SHE: variants seen among roughly 807,000 people sequenced by gnomAD.
SHE encodes SH2 domain-containing adapter protein E.
In SHE, 11 loss-of-function variants were observed where a neutral mutation model predicts 49.8. The observed-to-expected ratio is 0.22, with a 90% CI of 0.14 to 0.37. The LOEUF (loss-of-function observed/expected upper bound fraction) is 0.37. Ranked by LOEUF, SHE falls within the 10% of genes least tolerant of loss-of-function variation. The pLI is 1.00. For missense variants in SHE, 624 were observed against 655.5 expected (o/e 0.95, Z 0.52); for synonymous variants, 310 against 278.1 (o/e 1.11, Z -1.14).
Position 154,489,252 on chromosome 1 carries a change from T to TGGCCAA in SHE, c.817_822dup (p.Leu273_Ala274dup). 6.2e-7 allele frequency: 1 copy of TGGCCAA among 1,614,214 alleles called. No homozygotes were observed. The highest frequency in any genetic ancestry group is 8.5e-7 in the Non-Finnish European group (1 of 1,180,036). ...AGGAGGTCCTTGGAACTCCGTCTTT[T>TGGCCAA]GGCCAAGGTCTCTGATTTCAGGCCA... On this transcript the variant is annotated inframe_insertion, in exon 3 of 6. Coordinates refer to ENST00000304760, the MANE Select transcript of SHE (RefSeq NM_001010846.3).
chr1:154,478,605 G>A (rs1691943140), downstream of SHE, among the ~76,000 whole-genome samples: 1 of 152,102 alleles, frequency 6.6e-6, no homozygotes, highest in Admixed American at 6.6e-5. Context: ...GATGCTGTAT[G>A]ATGAAAAGCA....
At chr1:154,490,148 T>C (rs1452387286) in intron 2 of SHE, among the ~76,000 whole-genome samples, 4 of 152,242 alleles carry the variant, frequency 2.6e-5, no homozygotes, top group Non-Finnish European at 4.4e-5. Flanking sequence ...TTGACTCCTA[T>C]GCAGTTTCAA....
chr1:154,475,641 GTCCAATCAT>G (rs1355823905), downstream of SHE, among the ~76,000 whole-genome samples: 33 of 152,286 alleles, frequency 2.2e-4, no homozygotes, highest in African/African-American at 7.7e-4. Context: ...TTTTGGAATA[GTCCAATCAT>G]ATTATACTGC....
rs4845377 is a variant in SHE, at chr1:154,500,306, C to G, written c.592-1068G>C. On this transcript the variant is annotated intron_variant, in intron 1 of 5. Transcript: ENST00000304760. ...TCAAGGTGCTTGTGATCTAGTCACA[C>G]AGTCAGGTGGACCACTGAATAACAT... Among the ~76,000 whole-genome samples, 1,157 of 152,336 alleles carry G rather than the reference C, an allele frequency of 7.6e-3. 38 individuals carry two copies. The highest frequency in any genetic ancestry group is 0.071 in the East Asian group (368 of 5,188).
intron 2 of SHE, among the ~76,000 whole-genome samples, 154 bp downstream of exon 2, chr1:154,498,958 G>T (rs923572455): frequency 9.2e-5 from 14 of 152,160 alleles, no homozygotes; most frequent in African/African-American, 3.4e-4. Context: ...TAAATAGTCC[G>T]ACATTAGTTT....
intron 2 of SHE, among the ~76,000 whole-genome samples, chr1:154,498,304 C>G (rs1411745298): frequency 6.6e-6 from 1 of 151,812 alleles, no homozygotes; most frequent in Non-Finnish European, 1.5e-5. Context: ...CCATGTTGGT[C>G]AGGCTGGTCT....
At chr1:154,497,088 T>C (rs776590531) in intron 2 of SHE, among the ~76,000 whole-genome samples, 12 of 152,212 alleles carry the variant, frequency 7.9e-5, no homozygotes, top group Non-Finnish European at 1.6e-4. Flanking sequence ...CACAGTCCAG[T>C]GACCTTCAGG....
rs775201630 is a variant in SHE, at chr1:154,501,715, G to C, written c.312C>G (p.Ser104=). Residue 104 remains serine, a synonymous_variant, in exon 1 of 6, where the codon TCC becomes TCG. Transcript: ENST00000304760. ...GAATCAGACCCTGCAGGCTGTCGCG[G>C]GACAGCCGGCTGTCCTTGGGGCCGA... is the stretch of plus-strand genomic sequence containing the variant. The part of the protein sequence containing the change: ...AGVGPKDSRL[S]RDSLQGLIQA... 1.2e-6 allele frequency: 2 copies of C among 1,604,658 alleles called. No homozygotes were observed. The highest frequency in any genetic ancestry group is 4.5e-5 in the East Asian group (2 of 44,398).
chr1:154,498,961 A>G, intron 2 of SHE, 151 bp downstream of exon 2: 2 of 946,204 alleles, frequency 2.1e-6, no homozygotes, highest in Non-Finnish European at 3.1e-6. Context: ...ATAGTCCGAC[A>G]TTAGTTTGGG....
chr1:154,470,868 G>A (rs1471510230), intron 1 of SHE, among the ~76,000 whole-genome samples: 2 of 151,552 alleles, frequency 1.3e-5, no homozygotes, highest in East Asian at 3.9e-4. Context: ...AAATTTGCCT[G>A]GCATGGTGGC....
chr1:154,495,878 CAG>C (rs1161423395), intron 2 of SHE, among the ~76,000 whole-genome samples: 3 of 152,168 alleles, frequency 2.0e-5, no homozygotes, highest in African/African-American at 7.2e-5. Flanking sequence ...AATGGCAACA[CAG>C]ATTTAACCAC....
chr1:154,483,473 T>C lies in SHE; in HGVS notation c.*676A>G, dbSNP rs12568083. The C allele has an allele frequency of 0.61, 605,376 of 985,094 alleles. 192,116 individuals carry two copies. The highest frequency in any genetic ancestry group is 0.76 in the East Asian group (6,650 of 8,806). The allele number at this position is 985,094 out of a possible 1,614,324, so 61.0% of individuals were successfully genotyped here. A position where few individuals can be genotyped will look rare whatever the true frequency, so the allele number is the denominator to read the frequency against. On this transcript the variant is annotated 3_prime_UTR_variant, in exon 6 of 6. Coordinates refer to ENST00000304760, the MANE Select transcript of SHE (RefSeq NM_001010846.3). ...GTGGAAAAGCCACGTGGATTTTTTG[T>C]TGGTTTGTTTAGAGACCAGGTATTC... is the stretch of plus-strand genomic sequence containing the variant.
rs1392390163 is a variant in SHE at position 154,481,014 on chromosome 1, T to C, written c.*3135A>G. 3.0e-6 allele frequency: 3 copies of C among 985,434 alleles called. No homozygotes were observed. The highest frequency in any genetic ancestry group is 1.7e-5 in the African/African-American group (1 of 57,354). The allele number at this position is 985,434 out of a possible 1,614,324, so 61.0% of individuals were successfully genotyped here. On this transcript the variant is annotated 3_prime_UTR_variant, in exon 6 of 6. Coordinates refer to ENST00000304760, the MANE Select transcript of SHE (RefSeq NM_001010846.3). Reference sequence around the variant, plus strand: ...GAAAGACATTCTTCTCACCAGAGAATATCCTGGGAGATGGAATAACTCGAA... The same window carrying C: ...GAAAGACATTCTTCTCACCAGAGAACATCCTGGGAGATGGAATAACTCGAA...
At position 154,501,891 on chromosome 1, in the gene SHE, G is replaced by A. The variant is rs1221261850; in HGVS notation, c.136C>T (p.Pro46Ser). 2.0e-6 allele frequency: 3 copies of A among 1,527,346 alleles called. No homozygotes were observed. The highest frequency in any genetic ancestry group is 1.7e-6 in the Non-Finnish European group (2 of 1,144,482). The allele number at this position is 1,527,346 out of a possible 1,614,324, so 94.6% of individuals were successfully genotyped here. A position where few individuals can be genotyped will look rare whatever the true frequency, so the allele number is the denominator to read the frequency against. Reference sequence around the variant, plus strand: ...TCCGACACGGTCTTCAGGTTCAGGGGGAACTCCTTGAACCACTTGGCCGCC... The same window carrying A: ...TCCGACACGGTCTTCAGGTTCAGGGAGAACTCCTTGAACCACTTGGCCGCC... ...LMAAKWFKEF[P>S]LNLKTVSERA... The change falls in exon 1 of 6, where the codon CCC becomes TCC. Residue 46 changes from proline (P) to serine (S), a missense_variant. Physicochemically the swap from Pro to Ser is moderately conservative, Grantham distance 74. Transcript: ENST00000304760.
Position 154,479,494 on chromosome 1 carries a change from A to G in SHE, c.*4655T>C, listed in dbSNP as rs1691963663. 1 of 985,194 alleles carries G rather than the reference A, an allele frequency of 1.0e-6. No individual in the cohort carries two copies. Among genetic ancestry groups the G allele is most frequent in the Admixed American group, 6.1e-5 (1 of 16,262 alleles). 61.0% of individuals were successfully genotyped at this position (985,194 alleles called of 1,614,324 possible). A position where few individuals can be genotyped will look rare whatever the true frequency, so the allele number is the denominator to read the frequency against. On this transcript the variant is annotated 3_prime_UTR_variant, in exon 6 of 6. Coordinates refer to ENST00000304760, the MANE Select transcript of SHE (RefSeq NM_001010846.3). ...AAACCACTGTAGTTTTCTTGGAATA[A>G]TGTTTATTTAAAGTTACATTTCAGA...
chr1:154,486,408 C>T lies in SHE; in HGVS notation c.1181+119G>A, dbSNP rs977759444. 115 of 1,393,176 alleles carry T rather than the reference C, an allele frequency of 8.3e-5. No individual in the cohort carries two copies. In the Middle Eastern group the frequency reaches 1.1e-3, roughly 13 times the overall value. 86.3% of individuals were successfully genotyped at this position (1,393,176 alleles called of 1,614,324 possible). A position where few individuals can be genotyped will look rare whatever the true frequency, so the allele number is the denominator to read the frequency against. ...GAAGATGGGTTTTCATTAAAAACCC[C>T]ATCCAGGCAAGTGTTCATTAACAAA... On this transcript the variant is annotated intron_variant, in intron 4 of 5. Coordinates refer to ENST00000304760, the MANE Select transcript of SHE (RefSeq NM_001010846.3).
chr1:154,487,940 CT>C (rs899954087), intron 3 of SHE, among the ~76,000 whole-genome samples: 2,261 of 144,280 alleles, frequency 0.016, 52 homozygotes, highest in African/African-American at 0.053. Flanking sequence ...ATTGGTTATA[CT>C]TTTTTTTTTT....
intron 3 of SHE, among the ~76,000 whole-genome samples, chr1:154,487,572 C>T (rs149708277): frequency 4.6e-5 from 7 of 152,110 alleles, no homozygotes; most frequent in African/African-American, 1.7e-4. Context: ...TGACTCCAGG[C>T]TGGGCATGGT....
rs1430250705 is a variant in SHE at position 154,480,322 on chromosome 1, G to A, written c.*3827C>T. The A allele has an allele frequency of 1.0e-6, 1 of 985,260 alleles. No individual in the cohort carries two copies. Among genetic ancestry groups the A allele is most frequent in the Admixed American group, 6.2e-5 (1 of 16,248 alleles). 61.0% of individuals were successfully genotyped at this position (985,260 alleles called of 1,614,324 possible). On this transcript the variant is annotated 3_prime_UTR_variant, in exon 6 of 6. Transcript: ENST00000304760. ...TGCACTCCCTAAACCCTGGAAGGAG[G>A]GAGAAACAAGGGGCTAACCTTTGAC...
Sources: allele counts gnomAD v4.1 joint callset (sites outside exome capture counted in the v4.1 genomes callset), GRCh38; gene constraint gnomAD v4.1.1; transcripts MANE v1.5; gene names NCBI Gene and HGNC (gene_info 2026-07-23, HGNC 2026-07-21).